ATP2A3: variants seen among roughly 807,000 people sequenced by gnomAD.
ATP2A3 encodes sarcoplasmic/endoplasmic reticulum calcium ATPase 3.
Under a neutral mutation model 106.8 loss-of-function variants are expected in ATP2A3, and 61 were observed. The ratio of observed to expected loss-of-function variants is 0.57; its 90% CI spans 0.46 to 0.71. The LOEUF (loss-of-function observed/expected upper bound fraction) is 0.71, where lower values mean the gene tolerates loss of function less well. Among genes scored for constraint, ATP2A3 ranks in the 30% least tolerant of loss-of-function variants. ATP2A3 has a pLI of 0.00. For synonymous variants in ATP2A3, 611 were observed against 609.3 expected (o/e 1.00, Z -0.04); for missense variants, 1,201 against 1,423.5 (o/e 0.84, Z 2.52).
At chr17:3,937,779 T>G (rs2053534856) in intron 14 of ATP2A3, 143 bp from the exon 15 acceptor site, 3 of 886,154 alleles carry the variant, frequency 3.4e-6, no homozygotes, top group Middle Eastern at 5.9e-4. Flanking sequence ...GGTTCAAGAA[T>G]GAACTAGAAA....
At chr17:3,957,838 C>T (rs926120895) in intron 1 of ATP2A3, among the ~76,000 whole-genome samples, 36 of 152,250 alleles carry the variant, frequency 2.4e-4, no homozygotes, top group African/African-American at 8.0e-4. Flanking sequence ...TCTGCCCACT[C>T]TCAGTGCCAT....
Position 3,947,424 on chromosome 17 carries a change from G to A in ATP2A3, c.1062C>T (p.Gly354=), listed in dbSNP as rs2054173976. 1 of 1,613,924 alleles carries A rather than the reference G, an allele frequency of 6.2e-7. No individual in the cohort carries two copies. Among genetic ancestry groups the A allele is most frequent in the Non-Finnish European group, 8.5e-7 (1 of 1,180,046 alleles). ...CAGACATCTGATTGGTGGTGAGCGT[G>A]CCCGTCTTGTCGGAGCAGATGACTG... is the stretch of plus-strand genomic sequence containing the variant. ...CTSVICSDKT[G]TLTTNQMSVC... is the part of the protein sequence containing the mutation. The change falls in exon 8 of 21, where the codon GGC becomes GGT. Residue 354 remains glycine (G), a synonymous_variant. Transcript: ENST00000397041. This position sits in a 1 kb window ranked among gnomAD's most constrained non-coding sequence, Gnocchi z 7.7.
At chr17:3,931,561 A>G (rs34689261) in intron 17 of ATP2A3, among the ~76,000 whole-genome samples, 32,389 of 146,870 alleles carry the variant, frequency 0.22, 4,972 homozygotes, top group African/African-American at 0.44. Context: ...TCGCTCTGTC[A>G]CCCGAGCTGG....
At chr17:3,961,532 G>A (rs1404099539) in intron 1 of ATP2A3, among the ~76,000 whole-genome samples, 2 of 151,774 alleles carry the variant, frequency 1.3e-5, no homozygotes, top group Non-Finnish European at 2.9e-5. Flanking sequence ...GAAGGTGGGG[G>A]TGGGATGCCC....
intron 14 of ATP2A3, among the ~76,000 whole-genome samples, chr17:3,938,155 C>G (rs1247775873): frequency 6.6e-6 from 1 of 152,148 alleles, no homozygotes; most frequent in Non-Finnish European, 1.5e-5. Context: ...AAGGCCAGGC[C>G]AGGAGCGGTG....
Position 3,926,043 on chromosome 17 carries a change from C to T in ATP2A3, c.2981-602G>A, listed in dbSNP as rs1380310131. ...TGTCCCCAATACAACCACCACAGCC[C>T]AGCCCCCACGCCTCCCCTGACAACT... On this transcript the variant is annotated intron_variant, in intron 20 of 20. Coordinates refer to ENST00000397041, the MANE Select transcript of ATP2A3 (RefSeq NM_005173.4). This position sits in a 1 kb window ranked among gnomAD's most constrained non-coding sequence, Gnocchi z 4.6. Among the ~76,000 whole-genome samples the T allele has an allele frequency of 2.0e-5, 3 of 152,132 alleles. No homozygotes were observed. Among genetic ancestry groups the T allele is most frequent in the Non-Finnish European group, 2.9e-5 (2 of 68,030 alleles).
intron 1 of ATP2A3, among the ~76,000 whole-genome samples, chr17:3,960,133 C>T (rs1211758105): frequency 6.6e-6 from 1 of 152,200 alleles, no homozygotes; most frequent in African/African-American, 2.4e-5. Flanking sequence ...CCCTGCTATC[C>T]TGAGGAGCAG....
chr17:3,958,793 CAT>C (rs1241900937), intron 1 of ATP2A3, among the ~76,000 whole-genome samples: 1 of 142,308 alleles, frequency 7.0e-6, no homozygotes, highest in African/African-American at 2.7e-5. Context: ...TATATATACA[CAT>C]ATATATACAC....
chr17:3,964,145 CCCCGG>C (rs1167990951), intron 1 of ATP2A3, 24 bp downstream of exon 1: 53 of 1,105,386 alleles, frequency 4.8e-5, no homozygotes, highest in South Asian at 3.2e-4. Context: ...GGCCCCCGCT[CCCCGG>C]CCCGGCCCGG....
At position 3,945,105 on chromosome 17, in the gene ATP2A3, T is replaced by C. The variant is rs2054035727; in HGVS notation, c.1139A>G (p.His380Arg). ...CGTGGTACCCGAGATGGTGAACTCG[T>C]GCAAAAGGCAGGAGCCCGCATCGGC... is the stretch of plus-strand genomic sequence containing the variant. Reference protein sequence around the residue: ...AEADAGSCLLHEFTISGTTYT... With the variant: ...AEADAGSCLLREFTISGTTYT... The change falls in exon 9 of 21, where the codon CAC becomes CGC. Residue 380 changes from histidine to arginine, a missense_variant. By Grantham distance (29) the His-to-Arg change is conservative. This residue lies in a region of ATP2A3 where 935 missense variants were observed against 1,176.7 expected (regional missense o/e 0.79). Transcript: ENST00000397041. 2 of 1,548,028 alleles carry C rather than the reference T, an allele frequency of 1.3e-6. No homozygotes were observed. The highest frequency in any genetic ancestry group is 2.7e-5 in the African/African-American group (2 of 72,894).
At chr17:3,960,511 G>A (rs2055078641) in intron 1 of ATP2A3, among the ~76,000 whole-genome samples, 1 of 152,354 alleles carries the variant, frequency 6.6e-6, no homozygotes, top group Non-Finnish European at 1.5e-5. Flanking sequence ...CGACTCTCAG[G>A]TCACTGGGGT....
chr17:3,942,276 T>C (rs1047961777), intron 12 of ATP2A3, among the ~76,000 whole-genome samples: 1 of 152,208 alleles, frequency 6.6e-6, no homozygotes, highest in Admixed American at 6.5e-5. Context: ...AGAAGCCTTT[T>C]CATTTCAAAA....
At chr17:3,943,279 A>G in intron 11 of ATP2A3, 112 bp downstream of exon 11, 1 of 1,520,030 alleles carries the variant, frequency 6.6e-7, no homozygotes, top group Non-Finnish European at 8.9e-7. Flanking sequence ...CTCAAAAAAA[A>G]AAAAAAACAA....
intron 9 of ATP2A3, 29 bp downstream of exon 9, chr17:3,945,031 G>A: frequency 3.4e-6 from 5 of 1,483,614 alleles, no homozygotes; most frequent in Non-Finnish European, 4.5e-6. Context: ...CAGGCCGCCC[G>A]CCCGCGCGTC....
At chr17:3,954,636 A>ACAGGCACGCGG (rs2054660783) in intron 1 of ATP2A3, among the ~76,000 whole-genome samples, 1 of 151,632 alleles carries the variant, frequency 6.6e-6, no homozygotes, top group Non-Finnish European at 1.5e-5. Flanking sequence ...AGCTGGGATT[A>ACAGGCACGCGG]CAGGCACGCG....
Position 3,944,699 on chromosome 17 carries a change from C to T in ATP2A3, c.1287+5G>A, listed in dbSNP as rs779435147. 1 of 1,611,114 alleles carries T rather than the reference C, an allele frequency of 6.2e-7. No individual in the cohort carries two copies. Among genetic ancestry groups the T allele is most frequent in the Non-Finnish European group, 8.5e-7 (1 of 1,178,640 alleles). ...AGGGAGGTCATGAAAGGGGGTGAGG[C>T]CCACCTCGTTGTAGTCCAGAGCCGA... is the stretch of plus-strand genomic sequence containing the variant. On this transcript the variant is annotated splice_donor_5th_base_variant and intron_variant, in intron 10 of 20. Coordinates refer to ENST00000397041, the MANE Select transcript of ATP2A3 (RefSeq NM_005173.4).
intron 4 of ATP2A3, 28 bp downstream of exon 4, chr17:3,951,553 G>GGCCCCCCCCCCCGGCCCCCCCCCCC: frequency 1.5e-6 from 1 of 647,376 alleles, no homozygotes; most frequent in Non-Finnish European, 2.1e-6. Flanking sequence ...ACCGCCCCCC[G>GGCCCCCCCCCCCGGCCCCCCCCCCC]CCCGGTCCCA....
chr17:3,963,512 C>A (rs192790969), intron 1 of ATP2A3, among the ~76,000 whole-genome samples: 1 of 152,350 alleles, frequency 6.6e-6, no homozygotes, highest in Non-Finnish European at 1.5e-5. Context: ...GTGAAGCCTC[C>A]CTCCCTCCCC....
chr17:3,944,804 C>T lies in ATP2A3; in HGVS notation c.1187G>A (p.Arg396Gln), dbSNP rs748497303. 6.2e-7 allele frequency: 1 copy of T among 1,609,196 alleles called. No homozygotes were observed. Among genetic ancestry groups the T allele is most frequent in the South Asian group, 1.1e-5 (1 of 90,622 alleles). ...GCAGCGCACAGGCTGATCCCCCTGC[C>T]GCCTGCGGAGCCGGGGCGGTCACCA... ...GTTYTPEGEVRQGDQPVRCGQ... is the reference protein window; with the variant it reads ...GTTYTPEGEVQQGDQPVRCGQ... Residue 396 changes from arginine (R) to glutamine (Q), a missense_variant and splice_region_variant, in exon 10 of 21, where the codon CGG (arginine) becomes CAG (glutamine). Physicochemically the swap from Arg to Gln is conservative, Grantham distance 43. Coordinates refer to ENST00000397041, the MANE Select transcript of ATP2A3 (RefSeq NM_005173.4).
Sources: allele counts gnomAD v4.1 joint callset (sites outside exome capture counted in the v4.1 genomes callset), GRCh38; gene constraint gnomAD v4.1.1; regional missense constraint gnomAD v4.1.1; non-coding constraint Gnocchi (gnomAD v3.1); transcripts MANE v1.5; gene names NCBI Gene and HGNC (gene_info 2026-07-23, HGNC 2026-07-21).